The following MAF variants were observed in gnomAD, a reference collection of about 807,000 sequenced individuals.
MAF encodes the protein transcription factor Maf.
MAF carries 10 observed loss-of-function variants against 22.0 expected under a neutral mutation model. The ratio of observed to expected loss-of-function variants is 0.45; its 90% CI spans 0.28 to 0.77. The LOEUF (loss-of-function observed/expected upper bound fraction) is 0.77, where lower values mean the gene tolerates loss of function less well. Among genes scored for constraint, MAF ranks in the 30% least tolerant of loss-of-function variants. The pLI is 0.12. For synonymous variants in MAF, 337 were observed against 255.8 expected, an observed-to-expected ratio of 1.32 and a Z score of -3.03; for missense variants, 544 against 548.4, an observed-to-expected ratio of 0.99 and a Z score of 0.08.
At chr16:79,384,387 G>A in the MAF span, among the ~76,000 whole-genome samples, 2 of 149,872 alleles carry the variant, frequency 1.3e-5, no homozygotes, top group Middle Eastern at 3.4e-3. Context: ...AGAGGTTGCA[G>A]TGAGCCAAGA....
At chr16:79,334,849 G>A in the MAF span, among the ~76,000 whole-genome samples, 3 of 94,102 alleles carry the variant, frequency 3.2e-5, no homozygotes, top group East Asian at 3.0e-4. Context: ...GTGTGTGTGT[G>A]TGTGTGTGTG....
At chr16:79,543,001 TTA>T in the MAF span, among the ~76,000 whole-genome samples, 1 of 152,164 alleles carries the variant, frequency 6.6e-6, no homozygotes, top group Non-Finnish European at 1.5e-5. Flanking sequence ...GTATGTGCAG[TTA>T]TGTTTTCTCT....
the MAF span, among the ~76,000 whole-genome samples, chr16:79,278,602 C>T: frequency 2.0e-5 from 3 of 152,048 alleles, no homozygotes; most frequent in South Asian, 2.1e-4. Context: ...TTGCTTTTTC[C>T]GTGTCTGTGT....
the MAF span, among the ~76,000 whole-genome samples, chr16:79,540,805 T>C: frequency 1.3e-5 from 2 of 152,196 alleles, no homozygotes; most frequent in African/African-American, 2.4e-5. Flanking sequence ...ACAGCTATCT[T>C]AGGGTTATTT....
the MAF span, among the ~76,000 whole-genome samples, chr16:79,246,838 A>G: frequency 4.6e-5 from 7 of 152,132 alleles, no homozygotes; most frequent in African/African-American, 7.2e-5. Flanking sequence ...CCATCCATCC[A>G]TCCATCCATC....
the MAF span, among the ~76,000 whole-genome samples, chr16:79,502,708 AATATATATATATAT>A: frequency 0.031 from 1,051 of 33,922 alleles, 41 homozygotes; most frequent in East Asian, 0.24. Context: ...TATAAATATA[AATATATATATATAT>A]ATATATATAT....
the MAF span, among the ~76,000 whole-genome samples, chr16:79,358,296 CAGGGTG>C: frequency 6.6e-6 from 1 of 152,182 alleles, no homozygotes; most frequent in Non-Finnish European, 1.5e-5. Flanking sequence ...CAGCAGGCTA[CAGGGTG>C]ATGATTGCTA....
the MAF span, among the ~76,000 whole-genome samples, chr16:79,463,892 C>T: frequency 2.0e-5 from 3 of 151,168 alleles, no homozygotes. Context: ...CACCATCCCA[C>T]CCTAAAACAA....
chr16:79,363,556 G>A, the MAF span, among the ~76,000 whole-genome samples: 2 of 152,162 alleles, frequency 1.3e-5, no homozygotes, highest in African/African-American at 4.8e-5. Context: ...TGGAAGCGTG[G>A]TTTCTACTGA....
At chr16:79,479,069 A>C in the MAF span, among the ~76,000 whole-genome samples, 1 of 150,954 alleles carries the variant, frequency 6.6e-6, no homozygotes, top group African/African-American at 2.4e-5. Flanking sequence ...CCACTCTAGC[A>C]CATTGGTATA....
the MAF span, among the ~76,000 whole-genome samples, chr16:79,334,843 G>C: frequency 2.2e-5 from 1 of 45,938 alleles, no homozygotes; most frequent in East Asian, 6.7e-4. Flanking sequence ...AATAAAGTGT[G>C]TGTGTGTGTG....
chr16:79,569,372 A>C, the MAF span, among the ~76,000 whole-genome samples: 1 of 152,138 alleles, frequency 6.6e-6, no homozygotes, highest in Admixed American at 6.5e-5. Flanking sequence ...ATTGCTTTAA[A>C]CAGGTGAGTT....
At chr16:79,582,617 T>G (rs1340421644), downstream of MAF, among the ~76,000 whole-genome samples, 1 of 152,162 alleles carries the variant, frequency 6.6e-6, no homozygotes. Context: ...GGGGGTGATG[T>G]GGTAGTTAGG....
At chr16:79,438,530 G>A in the MAF span, among the ~76,000 whole-genome samples, 1 of 152,162 alleles carries the variant, frequency 6.6e-6, no homozygotes, top group African/African-American at 2.4e-5. Context: ...TACTTATTTT[G>A]CGTCAGTGGC....
chr16:79,477,542 A>C, the MAF span, among the ~76,000 whole-genome samples: 1 of 152,314 alleles, frequency 6.6e-6, no homozygotes, highest in East Asian at 1.9e-4. Context: ...TTTGTACCAC[A>C]TGACAAGCAT....
the MAF span, among the ~76,000 whole-genome samples, chr16:79,327,435 G>A: frequency 6.6e-6 from 1 of 152,130 alleles, no homozygotes; most frequent in East Asian, 1.9e-4. Context: ...CTCTCTTGGA[G>A]GCAGATGGGT....
chr16:79,576,455 T>A, the MAF span, among the ~76,000 whole-genome samples: 26 of 152,190 alleles, frequency 1.7e-4, no homozygotes, highest in African/African-American at 6.3e-4. Flanking sequence ...ATAGCAAGAT[T>A]AAATGTTTAA....
At chr16:79,351,533 G>C in the MAF span, among the ~76,000 whole-genome samples, 1 of 152,154 alleles carries the variant, frequency 6.6e-6, no homozygotes, top group African/African-American at 2.4e-5. Flanking sequence ...TCTCTATGCA[G>C]AATGATCACC....
chr16:79,400,537 C>T, the MAF span, among the ~76,000 whole-genome samples: 1 of 152,226 alleles, frequency 6.6e-6, no homozygotes, highest in East Asian at 1.9e-4. Flanking sequence ...CTTTGCTATG[C>T]ATCACGTCAT....
Sources: allele counts gnomAD v4.1 joint callset (sites outside exome capture counted in the v4.1 genomes callset), GRCh38; gene constraint gnomAD v4.1.1; transcripts MANE v1.5; gene names NCBI Gene and HGNC (gene_info 2026-07-23, HGNC 2026-07-21).